Variants in FRK observed in about 807,000 individuals in gnomAD.
FRK encodes the protein tyrosine-protein kinase FRK.
In FRK, 51 loss-of-function variants were observed where a neutral mutation model predicts 56.4. That is an observed-to-expected ratio of 0.90 (90% CI 0.72 to 1.14). The LOEUF (loss-of-function observed/expected upper bound fraction) is 1.14. Ranked by LOEUF, FRK falls within the 50% of genes most tolerant of loss-of-function variation. FRK has a pLI of 0.00. For synonymous variants in FRK, 245 were observed against 217.9 expected (o/e 1.12, Z -1.10); for missense variants, 570 against 601.4 (o/e 0.95, Z 0.55).
At chr6:116,032,879 T>A (rs1776349323) in intron 1 of FRK, among the ~76,000 whole-genome samples, 2 of 152,016 alleles carry the variant, frequency 1.3e-5, no homozygotes, top group African/African-American at 4.8e-5. Context: ...CAGACATAAA[T>A]AATGGAATTC....
At chr6:116,045,287 GC>G in intron 1 of FRK, among the ~76,000 whole-genome samples, 1 of 152,232 alleles carries the variant, frequency 6.6e-6, no homozygotes, top group South Asian at 2.1e-4. Flanking sequence ...ACAATCCTAA[GC>G]AAAAAGAACA....
chr6:115,954,524 G>A (rs1009471152), intron 5 of FRK, among the ~76,000 whole-genome samples: 8 of 152,160 alleles, frequency 5.3e-5, no homozygotes, highest in Non-Finnish European at 1.2e-4. Flanking sequence ...GGTTAGAGAT[G>A]GGACATGAAA....
intron 2 of FRK, among the ~76,000 whole-genome samples, chr6:115,984,556 G>C (rs983900368): frequency 6.6e-6 from 1 of 151,994 alleles, no homozygotes; most frequent in Non-Finnish European, 1.5e-5. Context: ...GCACATGTTT[G>C]ATGGATATGT....
rs1001512407 is a variant in FRK at position 115,939,683 on chromosome 6, C to A, written c.*2731G>T. The stretch of plus-strand genomic sequence containing the variant: ...CAAAAATCACACACATTCCTATACA[C>A]CAATAACAAACAGAGAGCCAAATCA... On this transcript the variant is annotated 3_prime_UTR_variant, in exon 8 of 8. Transcript: ENST00000606080. 2.0e-5 allele frequency: 3 copies of A among 151,992 alleles called. No homozygotes were observed. Among genetic ancestry groups the A allele is most frequent in the Non-Finnish European group, 4.4e-5 (3 of 67,990 alleles). The allele number at this position is 151,992 out of a possible 1,614,324, so 9.4% of individuals were successfully genotyped here. A position where few individuals can be genotyped will look rare whatever the true frequency, so the allele number is the denominator to read the frequency against.
intron 1 of FRK, among the ~76,000 whole-genome samples, chr6:116,036,871 T>C (rs1010273616): frequency 2.6e-5 from 4 of 152,134 alleles, no homozygotes; most frequent in Non-Finnish European, 5.9e-5. Flanking sequence ...ATATGAACCT[T>C]CTCTAATCCA....
chr6:116,022,373 A>G (rs1339921693), intron 1 of FRK, among the ~76,000 whole-genome samples: 1 of 152,096 alleles, frequency 6.6e-6, no homozygotes, highest in African/African-American at 2.4e-5. Context: ...TTTTTCCAAG[A>G]AAAGGAAACT....
chr6:115,965,312 CT>C (rs1471619802), intron 4 of FRK, among the ~76,000 whole-genome samples: 1 of 40,924 alleles, frequency 2.4e-5, no homozygotes, highest in Admixed American at 3.5e-4. Flanking sequence ...CTCATCATCA[CT>C]GGCCATCAGA....
chr6:116,077,634 A>C, the FRK span, among the ~76,000 whole-genome samples: 1 of 152,280 alleles, frequency 6.6e-6, no homozygotes, highest in Non-Finnish European at 1.5e-5. Context: ...TACCTTACTC[A>C]TTGAACAGTT....
At chr6:116,054,438 A>G (rs1777298426) in intron 1 of FRK, among the ~76,000 whole-genome samples, 1 of 144,960 alleles carries the variant, frequency 6.9e-6, no homozygotes, top group Non-Finnish European at 1.5e-5. Context: ...AGTATATTAT[A>G]TATTATTTAT....
chr6:116,099,691 T>C, the FRK span, among the ~76,000 whole-genome samples: 2 of 152,234 alleles, frequency 1.3e-5, no homozygotes, highest in East Asian at 3.8e-4. Flanking sequence ...TCCTACTCAA[T>C]TGTACTATCT....
chr6:116,004,066 G>C, intron 1 of FRK, 68 bp from the exon 2 acceptor site: 1 of 1,386,082 alleles, frequency 7.2e-7, no homozygotes, highest in South Asian at 1.2e-5. Flanking sequence ...GAAAAAGCCT[G>C]GCAAGATAGT....
At chr6:115,959,176 G>C (rs1773224508) in intron 4 of FRK, among the ~76,000 whole-genome samples, 1 of 152,186 alleles carries the variant, frequency 6.6e-6, no homozygotes, top group Non-Finnish European at 1.5e-5. Context: ...GTAGTAGCCT[G>C]CTCAGCAATA....
chr6:116,067,112 A>C, the FRK span, among the ~76,000 whole-genome samples: 2 of 152,196 alleles, frequency 1.3e-5, no homozygotes, highest in Non-Finnish European at 2.9e-5. Context: ...AGACAGGCAC[A>C]GAAACAACAC....
At chr6:116,077,891 G>A in the FRK span, among the ~76,000 whole-genome samples, 1 of 152,220 alleles carries the variant, frequency 6.6e-6, no homozygotes, top group Non-Finnish European at 1.5e-5. Context: ...CAGGTGCAGT[G>A]GCTCATGCCT....
At chr6:115,984,860 G>A (rs77786468) in intron 2 of FRK, among the ~76,000 whole-genome samples, 2,007 of 152,012 alleles carry the variant, frequency 0.013, 23 homozygotes, top group Middle Eastern at 0.024. Context: ...TCGATGTGCC[G>A]ATTTGGTGAT....
At chr6:116,095,070 C>T in the FRK span, among the ~76,000 whole-genome samples, 367 of 152,336 alleles carry the variant, frequency 2.4e-3, 6 homozygotes, top group Non-Finnish European at 6.2e-4. Flanking sequence ...AATACTGAGG[C>T]CACTGACAAC....
intron 1 of FRK, among the ~76,000 whole-genome samples, chr6:116,039,985 T>A (rs1776653303): frequency 6.6e-6 from 1 of 151,982 alleles, no homozygotes; most frequent in African/African-American, 2.4e-5. Flanking sequence ...AAAGAAATTT[T>A]ATAGACATTT....
the FRK span, among the ~76,000 whole-genome samples, chr6:116,096,567 A>G: frequency 6.6e-6 from 1 of 152,190 alleles, no homozygotes; most frequent in Non-Finnish European, 1.5e-5. Flanking sequence ...TGTGCCAATC[A>G]GCACTCTGCA....
chr6:116,005,863 G>T (rs1191917009), intron 1 of FRK, among the ~76,000 whole-genome samples: 1 of 152,104 alleles, frequency 6.6e-6, no homozygotes, highest in East Asian at 1.9e-4. Flanking sequence ...GAAAAAAACT[G>T]ATGCTACCTA....
Sources: gnomAD v4.1 joint callset for allele counts (sites outside exome capture counted in the v4.1 genomes callset) on GRCh38, gnomAD v4.1.1 for gene constraint, MANE v1.5 for transcripts, NCBI Gene and HGNC (gene_info 2026-07-23, HGNC 2026-07-21) for gene names.